The following ARHGEF4 variants were observed in gnomAD, a reference collection of about 807,000 sequenced individuals.
ARHGEF4 encodes Rho guanine nucleotide exchange factor 4, also known as APC-stimulated guanine nucleotide exchange factor 1.
ARHGEF4 carries 119 observed loss-of-function variants against 162.0 expected under a neutral mutation model. That is an observed-to-expected ratio of 0.73 (90% CI 0.63 to 0.86). The LOEUF (loss-of-function observed/expected upper bound fraction) is 0.86, where lower values mean the gene tolerates loss of function less well. Among genes scored for constraint, ARHGEF4 ranks in the 40% least tolerant of loss-of-function variants. ARHGEF4 has a pLI of 0.00. For synonymous variants in ARHGEF4, 1,014 were observed against 979.9 expected (o/e 1.03, Z -0.65); for missense variants, 2,488 against 2,456.0 (o/e 1.01, Z -0.28).
Position 131,040,472 on chromosome 2 carries a change from C to T in ARHGEF4, c.4662+32C>T, listed in dbSNP as rs200228404. On this transcript the variant is annotated intron_variant, in intron 8 of 13. Coordinates refer to ENST00000409359, the MANE Select transcript of ARHGEF4 (RefSeq NM_001367493.1). ...GCGCGGCCCCCGGCCCCTACCTGGGCGCTGCGTTCACAGAGGCTGCCGCGG... is the reference window on the plus strand; with the variant it reads ...GCGCGGCCCCCGGCCCCTACCTGGGTGCTGCGTTCACAGAGGCTGCCGCGG... 6.6e-6 allele frequency: 10 copies of T among 1,511,862 alleles called. No individual in the cohort carries two copies. In the African/African-American group the frequency reaches 1.3e-4, roughly 19 times the overall value. 93.7% of individuals were successfully genotyped at this position (1,511,862 alleles called of 1,614,324 possible).
intron 3 of ARHGEF4, among the ~76,000 whole-genome samples, chr2:130,942,808 G>A (rs1335514073): frequency 6.6e-6 from 1 of 152,100 alleles, no homozygotes; most frequent in African/African-American, 2.4e-5. Flanking sequence ...TACTTTGTAT[G>A]ATTTCATACT....
At chr2:130,876,169 C>T (rs1029909225) in intron 1 of ARHGEF4, among the ~76,000 whole-genome samples, 5 of 152,178 alleles carry the variant, frequency 3.3e-5, no homozygotes, top group Admixed American at 2.0e-4. Context: ...CCCTGGATTG[C>T]CATGGCTTGT....
intron 4 of ARHGEF4, among the ~76,000 whole-genome samples, chr2:131,012,640 G>T (rs1688531145): frequency 6.6e-6 from 1 of 152,174 alleles, no homozygotes; most frequent in Non-Finnish European, 1.5e-5. Flanking sequence ...AAGTGCAGTG[G>T]TGTAAACTTG....
intron 3 of ARHGEF4, among the ~76,000 whole-genome samples, chr2:130,937,669 A>ATTT (rs34020875): frequency 3.5e-5 from 5 of 140,880 alleles, no homozygotes; most frequent in Admixed American, 7.2e-5. Context: ...TTGTATCATA[A>ATTT]TTTTTTTTTT....
Position 130,914,531 on chromosome 2 carries a change from G to C in ARHGEF4, c.585G>C (p.Glu195Asp), listed in dbSNP as rs866378963. 2 of 1,422,796 alleles carry C rather than the reference G, an allele frequency of 1.4e-6. No individual in the cohort carries two copies. The highest frequency in any genetic ancestry group is 3.0e-5 in the Admixed American group (1 of 33,358). 88.1% of individuals were successfully genotyped at this position (1,422,796 alleles called of 1,614,324 possible). ...LQRATDSSGP[E>D]PVQGVAVQDL... Reference sequence around the variant, plus strand: ...GGGCCACAGACAGCAGTGGTCCTGAGCCAGTACAGGGGGTGGCTGTTCAAG... The same window carrying C: ...GGGCCACAGACAGCAGTGGTCCTGACCCAGTACAGGGGGTGGCTGTTCAAG... The change falls in exon 2 of 14, where the codon GAG (glutamate) becomes GAC (aspartate). Residue 195 changes from glutamate (E) to aspartate (D), a missense_variant. Coordinates refer to ENST00000409359, the MANE Select transcript of ARHGEF4 (RefSeq NM_001367493.1).
chr2:130,882,990 T>C (rs983190080), intron 1 of ARHGEF4, among the ~76,000 whole-genome samples: 8 of 152,106 alleles, frequency 5.3e-5, no homozygotes, highest in Non-Finnish European at 8.8e-5. Flanking sequence ...CTCCCCTTTC[T>C]GCCTGAGGTT....
chr2:130,904,221 C>T (rs1181702389), intron 1 of ARHGEF4, among the ~76,000 whole-genome samples: 1 of 152,136 alleles, frequency 6.6e-6, no homozygotes, highest in Non-Finnish European at 1.5e-5. Context: ...CTGACTGGTG[C>T]ATCTCTCTGC....
chr2:130,952,576 G>A (rs901901444), intron 4 of ARHGEF4, among the ~76,000 whole-genome samples: 1 of 152,170 alleles, frequency 6.6e-6, no homozygotes, highest in African/African-American at 2.4e-5. Flanking sequence ...AATCAGGCAA[G>A]AGAAAGCAAT....
chr2:130,924,261 G>A (rs966364335), intron 2 of ARHGEF4, among the ~76,000 whole-genome samples: 1 of 139,690 alleles, frequency 7.2e-6, no homozygotes, highest in African/African-American at 2.6e-5. Context: ...CCTCCCACCT[G>A]TGAGACCGTG....
At chr2:130,985,225 C>G (rs1039076388) in intron 4 of ARHGEF4, among the ~76,000 whole-genome samples, 1 of 152,102 alleles carries the variant, frequency 6.6e-6, no homozygotes, top group Non-Finnish European at 1.5e-5. Flanking sequence ...GATGGAAACT[C>G]GCTTCCAGCC....
chr2:130,972,000 G>A (rs1214348708), intron 4 of ARHGEF4, among the ~76,000 whole-genome samples: 7 of 152,154 alleles, frequency 4.6e-5, no homozygotes, highest in Admixed American at 6.6e-5. Context: ...TTTCCAACAG[G>A]CCTTTATAAG....
chr2:131,005,035 A>G (rs1255073642), intron 4 of ARHGEF4, among the ~76,000 whole-genome samples: 1 of 152,184 alleles, frequency 6.6e-6, no homozygotes, highest in African/African-American at 2.4e-5. Flanking sequence ...GAACAGCTGC[A>G]GCAAAGGGGG....
chr2:130,847,801 A>G (rs1324978869), intron 1 of ARHGEF4, among the ~76,000 whole-genome samples: 1 of 152,212 alleles, frequency 6.6e-6, no homozygotes, highest in Non-Finnish European at 1.5e-5. Context: ...CCTGGGGGTG[A>G]GTCAGGCATG....
chr2:130,933,585 T>C (rs778668162), intron 3 of ARHGEF4, among the ~76,000 whole-genome samples: 2 of 152,050 alleles, frequency 1.3e-5, no homozygotes, highest in Non-Finnish European at 2.9e-5. Flanking sequence ...TTTTGGGAGG[T>C]GTTCTTGAAT....
chr2:130,986,783 T>G (rs1271166334), intron 4 of ARHGEF4, among the ~76,000 whole-genome samples: 1 of 152,232 alleles, frequency 6.6e-6, no homozygotes, highest in African/African-American at 2.4e-5. Flanking sequence ...CATAATTGTC[T>G]GCAAGTCCCT....
intron 13 of ARHGEF4, 131 bp from the exon 14 acceptor site, chr2:131,045,907 C>A (rs990617882): frequency 6.7e-7 from 1 of 1,495,906 alleles, no homozygotes; most frequent in African/African-American, 1.4e-5. Context: ...GGAGCAAGTC[C>A]TGTGTGGCAA....
intron 4 of ARHGEF4, among the ~76,000 whole-genome samples, chr2:130,992,496 C>A (rs558261363): frequency 2.0e-5 from 3 of 152,006 alleles, no homozygotes; most frequent in African/African-American, 4.8e-5. Context: ...GTAACACTCA[C>A]GGGGAAGGTC....
intron 4 of ARHGEF4, among the ~76,000 whole-genome samples, chr2:130,984,822 T>C (rs1454037519): frequency 6.6e-6 from 1 of 151,962 alleles, no homozygotes; most frequent in Non-Finnish European, 1.5e-5. Flanking sequence ...ACTGAAACAG[T>C]TGGGGTGCTT....
chr2:131,028,211 C>T (rs1231683867), intron 5 of ARHGEF4, 127 bp downstream of exon 5: 3 of 1,345,254 alleles, frequency 2.2e-6, no homozygotes, highest in African/African-American at 1.4e-5. Context: ...GCTGGCCATA[C>T]ACAGCGCAGT....
Sources: allele counts gnomAD v4.1 joint callset (sites outside exome capture counted in the v4.1 genomes callset), GRCh38; gene constraint gnomAD v4.1.1; transcripts MANE v1.5; gene names NCBI Gene and HGNC (gene_info 2026-07-23, HGNC 2026-07-21).